Variants in SEL1L3 observed in about 807,000 individuals in gnomAD.
SEL1L3 encodes the protein SEL1L family member 3, also known as protein sel-1 homolog 3.
Under a neutral mutation model 142.8 loss-of-function variants are expected in SEL1L3, and 76 were observed. The observed-to-expected ratio is 0.53, with a 90% CI of 0.44 to 0.64. The LOEUF (loss-of-function observed/expected upper bound fraction) is 0.64. SEL1L3 is among the 30% of genes least tolerant of loss of function. SEL1L3 has a pLI of 0.00. For synonymous variants in SEL1L3, 504 were observed against 519.6 expected (o/e 0.97, Z 0.41); for missense variants, 1,262 against 1,381.7 (o/e 0.91, Z 1.37).
At chr4:25,749,754 T>C (rs192105924) in intron 23 of SEL1L3, among the ~76,000 whole-genome samples, 35 of 152,308 alleles carry the variant, frequency 2.3e-4, no homozygotes, top group Non-Finnish European at 4.4e-4. Flanking sequence ...TAGTGAGAAA[T>C]ATCACGAACT....
intron 9 of SEL1L3, among the ~76,000 whole-genome samples, chr4:25,817,791 T>C (rs1365664344): frequency 9.2e-5 from 14 of 152,180 alleles, no homozygotes; most frequent in Admixed American, 9.2e-4. Flanking sequence ...CATACAAGCT[T>C]TTTAGATAAC....
chr4:25,774,813 C>T (rs1423539792), intron 17 of SEL1L3, among the ~76,000 whole-genome samples: 1 of 152,152 alleles, frequency 6.6e-6, no homozygotes, highest in Non-Finnish European at 1.5e-5. Flanking sequence ...CCACTGCACC[C>T]TAGCCTGGGT....
rs1366347550 is a variant in SEL1L3, at chr4:25,756,751, C to G, written c.3259+783G>C. ...AAATGCCCACTTTACGATTCCTGCT[C>G]AGTCCCTCCCTCTGAGTCCGTGTGG... On this transcript the variant is annotated intron_variant, in intron 23 of 23. Coordinates refer to ENST00000399878, the MANE Select transcript of SEL1L3 (RefSeq NM_015187.5). The G allele has an allele frequency of 4.4e-6, 5 of 1,135,344 alleles. No individual in the cohort carries two copies. The East Asian group carries it at 3.2e-4, about 73-fold the overall frequency. The allele number at this position is 1,135,344 out of a possible 1,614,324, so 70.3% of individuals were successfully genotyped here. A position where few individuals can be genotyped will look rare whatever the true frequency, so the allele number is the denominator to read the frequency against.
intron 23 of SEL1L3, among the ~76,000 whole-genome samples, chr4:25,753,107 C>T (rs765191058): frequency 2.0e-5 from 3 of 152,322 alleles, no homozygotes; most frequent in South Asian, 2.1e-4. Flanking sequence ...CCTCCCACAC[C>T]GATGCTGTTA....
At chr4:25,776,946 T>C (rs1427575289) in intron 16 of SEL1L3, among the ~76,000 whole-genome samples, 1 of 151,560 alleles carries the variant, frequency 6.6e-6, no homozygotes, top group Non-Finnish European at 1.5e-5. Flanking sequence ...AGGAAAATGG[T>C]ATATTTAAAA....
chr4:25,751,957 A>G (rs1717620050), intron 23 of SEL1L3, among the ~76,000 whole-genome samples: 1 of 151,830 alleles, frequency 6.6e-6, no homozygotes. Flanking sequence ...AAAAATACAA[A>G]ATTTAGCTGG....
At chr4:25,780,114 C>A (rs749753125) in intron 15 of SEL1L3, among the ~76,000 whole-genome samples, 1 of 152,166 alleles carries the variant, frequency 6.6e-6, no homozygotes, top group African/African-American at 2.4e-5. Context: ...ATTCTTCCAA[C>A]GCAACAAATG....
At chr4:25,832,287 GA>G (rs934880818) in intron 5 of SEL1L3, among the ~76,000 whole-genome samples, 18 of 152,174 alleles carry the variant, frequency 1.2e-4, no homozygotes, top group African/African-American at 4.3e-4. Context: ...TTTGTTACAG[GA>G]AAAATCACAG....
intron 2 of SEL1L3, 63 bp downstream of exon 2, chr4:25,847,231 C>T (rs1384977778): frequency 6.6e-6 from 9 of 1,363,272 alleles, no homozygotes; most frequent in African/African-American, 1.5e-5. Flanking sequence ...TCTTGCCATT[C>T]GATCATGATA....
intron 11 of SEL1L3, among the ~76,000 whole-genome samples, chr4:25,800,677 C>G (rs903071537): frequency 6.6e-6 from 1 of 151,884 alleles, no homozygotes; most frequent in Non-Finnish European, 1.5e-5. Flanking sequence ...TTAAAAAAAA[C>G]TTTACCAATT....
At chr4:25,716,571 T>C in the SEL1L3 span, among the ~76,000 whole-genome samples, 1 of 152,192 alleles carries the variant, frequency 6.6e-6, no homozygotes, top group African/African-American at 2.4e-5. Flanking sequence ...ATATATTATT[T>C]GTATTAACAA....
chr4:25,767,029 C>T (rs778768560), intron 19 of SEL1L3, among the ~76,000 whole-genome samples: 17 of 152,292 alleles, frequency 1.1e-4, no homozygotes, highest in Non-Finnish European at 1.8e-4. Context: ...CAGTGGCTCA[C>T]GCCTGTAACC....
At chr4:25,822,972 G>A (rs1365314407) in intron 6 of SEL1L3, among the ~76,000 whole-genome samples, 1 of 152,052 alleles carries the variant, frequency 6.6e-6, no homozygotes, top group Non-Finnish European at 1.5e-5. Context: ...ATAGTGTTAA[G>A]TAAAAAAAAT....
At chr4:25,859,106 C>T (rs1717492820) in intron 1 of SEL1L3, among the ~76,000 whole-genome samples, 1 of 152,160 alleles carries the variant, frequency 6.6e-6, no homozygotes. Flanking sequence ...CTGGGGCAGC[C>T]TCAGGCTGGT....
At chr4:25,799,950 T>C (rs1385344452) in intron 11 of SEL1L3, among the ~76,000 whole-genome samples, 2 of 152,048 alleles carry the variant, frequency 1.3e-5, no homozygotes, top group Non-Finnish European at 2.9e-5. Context: ...AGAGCAGCTT[T>C]TGAGGAGTGG....
intron 2 of SEL1L3, among the ~76,000 whole-genome samples, chr4:25,843,561 CAT>C (rs1351024065): frequency 6.6e-6 from 1 of 152,208 alleles, no homozygotes; most frequent in African/African-American, 2.4e-5. Flanking sequence ...GTCAGGCACA[CAT>C]GTGATTTGGG....
At chr4:25,862,266 A>C in intron 1 of SEL1L3, 1 of 120,884 alleles carries the variant, frequency 8.3e-6, no homozygotes, top group Non-Finnish European at 1.6e-5. Flanking sequence ...CGGGAAGGAA[A>C]GGAGCTGCGA....
downstream of SEL1L3, among the ~76,000 whole-genome samples, chr4:25,746,499 A>G (rs1717264061): frequency 9.2e-6 from 1 of 109,218 alleles, no homozygotes. Context: ...ACAGAGCAAT[A>G]TTATCTAAAT....
At chr4:25,715,910 T>C in the SEL1L3 span, among the ~76,000 whole-genome samples, 3 of 152,138 alleles carry the variant, frequency 2.0e-5, no homozygotes, top group African/African-American at 7.2e-5. Flanking sequence ...GGGAGGACAC[T>C]AAAGGGAATT....
Sources: gnomAD v4.1 joint callset for allele counts (sites outside exome capture counted in the v4.1 genomes callset) on GRCh38, gnomAD v4.1.1 for gene constraint, MANE v1.5 for transcripts, NCBI Gene and HGNC (gene_info 2026-07-23, HGNC 2026-07-21) for gene names.